KLRF2: variants seen among roughly 807,000 people sequenced by gnomAD.
KLRF2 encodes killer cell lectin-like receptor subfamily F member 2.
In KLRF2, 28 loss-of-function variants were observed where a neutral mutation model predicts 25.3. The observed-to-expected ratio is 1.11, with a 90% CI of 0.82 to 1.52. The LOEUF is 1.52. Among genes scored for constraint, KLRF2 ranks in the 40% most tolerant of loss-of-function variants. The pLI, the probability that KLRF2 is intolerant of heterozygous loss-of-function variation, is 0.00. For synonymous variants in KLRF2, 73 were observed against 85.0 expected, an observed-to-expected ratio of 0.86 and a Z score of 0.78; for missense variants, 265 against 245.8, an observed-to-expected ratio of 1.08 and a Z score of -0.52.
At chr12:9,885,128 C>A in intron 2 of KLRF2, 96 bp downstream of exon 2, 1 of 385,382 alleles carries the variant, frequency 2.6e-6, no homozygotes. Flanking sequence ...CACTGTAGTC[C>A]AAAACTGGCA....
intron 4 of KLRF2, 124 bp downstream of exon 4, chr12:9,893,292 C>A: frequency 2.2e-6 from 2 of 897,966 alleles, no homozygotes; most frequent in Non-Finnish European, 1.6e-6. Flanking sequence ...ACAATGTAGT[C>A]ACTATTGTTC....
chr12:9,889,997 G>A (rs1862655459), intron 3 of KLRF2, among the ~76,000 whole-genome samples: 1 of 151,768 alleles, frequency 6.6e-6, no homozygotes, highest in Non-Finnish European at 1.5e-5. Context: ...AGAGAGAATT[G>A]TATAATAAAT....
intron 5 of KLRF2, 81 bp from the exon 6 acceptor site, chr12:9,895,608 A>G: frequency 7.5e-7 from 1 of 1,341,268 alleles, no homozygotes; most frequent in Non-Finnish European, 9.8e-7. Context: ...ATTACCTATA[A>G]AAGTTTGGCT....
intron 5 of KLRF2, among the ~76,000 whole-genome samples, chr12:9,895,262 G>A (rs1433845909): frequency 1.3e-5 from 2 of 152,314 alleles, no homozygotes; most frequent in East Asian, 3.9e-4. Flanking sequence ...TATTTATGCT[G>A]CTATGTGGAG....
intron 3 of KLRF2, among the ~76,000 whole-genome samples, chr12:9,889,123 T>C (rs1862641199): frequency 6.6e-6 from 1 of 152,222 alleles, no homozygotes. Flanking sequence ...GCGAAGAGTG[T>C]GGGCTTGAGA....
chr12:9,889,700 A>G (rs1862651214), intron 3 of KLRF2, among the ~76,000 whole-genome samples: 1 of 151,734 alleles, frequency 6.6e-6, no homozygotes, highest in Non-Finnish European at 1.5e-5. Flanking sequence ...ACACATATAT[A>G]CATATATGTA....
At chr12:9,887,819 A>G (rs1294208184) in intron 2 of KLRF2, among the ~76,000 whole-genome samples, 2 of 151,736 alleles carry the variant, frequency 1.3e-5, no homozygotes, top group African/African-American at 4.8e-5. Flanking sequence ...TGGGAGGCCA[A>G]GGCAGGTGGA....
In KLRF2 at chr12:9,895,735, A is replaced by G. The variant is rs771479152; in HGVS notation, c.526A>G (p.Thr176Ala). 4 of 1,535,742 alleles carry G rather than the reference A, an allele frequency of 2.6e-6. No individual in the cohort carries two copies. The highest frequency in any genetic ancestry group is 2.4e-5 in the East Asian group (1 of 40,904). The part of the protein sequence containing the change: ...PTDDRSCAVI[T>A]GNWVYSEDCS... The stretch of plus-strand genomic sequence containing the variant: ...TGATGACAGGAGCTGTGCCGTTATC[A>G]CAGGAAACTGGGTGTATTCTGAAGA... The change falls in exon 6 of 6, where the codon ACA becomes GCA. Residue 176 changes from threonine (T) to alanine (A), a missense_variant. By Grantham distance (58) the Thr-to-Ala change is moderately conservative. Coordinates refer to ENST00000535540, the MANE Select transcript of KLRF2 (RefSeq NM_001190765.1).
chr12:9,889,629 T>C (rs1160383030), intron 3 of KLRF2, among the ~76,000 whole-genome samples: 1 of 150,576 alleles, frequency 6.6e-6, no homozygotes, highest in Non-Finnish European at 1.5e-5. Context: ...TAAATCTCTC[T>C]CTATATGTGT....
chr12:9,888,744 G>A lies in KLRF2; in HGVS notation c.181G>A (p.Asp61Asn). 1 of 1,500,882 alleles carries A rather than the reference G, an allele frequency of 6.7e-7. No homozygotes were observed. The highest frequency in any genetic ancestry group is 9.0e-7 in the Non-Finnish European group (1 of 1,115,184). 93.0% of individuals were successfully genotyped at this position (1,500,882 alleles called of 1,614,324 possible). ...IDLKFWHKKM[D>N]FSQNVNVSSL... ...TGCACTGAGTACAGATAAAAAAATGGATTTCTCCCAGAATGTAAACGTCAG... is the reference window on the plus strand; with the variant it reads ...TGCACTGAGTACAGATAAAAAAATGAATTTCTCCCAGAATGTAAACGTCAG... The change falls in exon 3 of 6, where the codon GAT (aspartate) becomes AAT (asparagine). Residue 61 changes from aspartate (D) to asparagine (N), a missense_variant. Transcript: ENST00000535540.
chr12:9,885,567 T>C (rs1591776204), intron 2 of KLRF2, among the ~76,000 whole-genome samples: 1 of 151,860 alleles, frequency 6.6e-6, no homozygotes, highest in Admixed American at 6.6e-5. Flanking sequence ...TGAGATGAGA[T>C]TTCTAAAAAT....
intron 2 of KLRF2, among the ~76,000 whole-genome samples, chr12:9,887,614 A>G (rs1364720257): frequency 6.6e-6 from 1 of 152,196 alleles, no homozygotes; most frequent in African/African-American, 2.4e-5. Context: ...GACTTTTCAA[A>G]TTAACAACTG....
At chr12:9,887,882 T>C (rs1444306754) in intron 2 of KLRF2, among the ~76,000 whole-genome samples, 1 of 151,004 alleles carries the variant, frequency 6.6e-6, no homozygotes, top group Non-Finnish European at 1.5e-5. Context: ...TGAAACCCCG[T>C]CCCTAATAAA....
At chr12:9,892,875 C>T (rs563409296) in intron 3 of KLRF2, 145 bp from the exon 4 acceptor site, 129 of 611,540 alleles carry the variant, frequency 2.1e-4, no homozygotes, top group Non-Finnish European at 3.2e-4. Context: ...TGAGCCACCG[C>T]GCCTGGTCTG....
chr12:9,892,507 A>T (rs1862689501), intron 3 of KLRF2, among the ~76,000 whole-genome samples: 1 of 151,666 alleles, frequency 6.6e-6, no homozygotes, highest in Non-Finnish European at 1.5e-5. Flanking sequence ...TTCTCCCCTA[A>T]TCCATCATCC....
At chr12:9,892,736 C>T (rs1240945693) in intron 3 of KLRF2, among the ~76,000 whole-genome samples, 1 of 151,828 alleles carries the variant, frequency 6.6e-6, no homozygotes, top group Non-Finnish European at 1.5e-5. Flanking sequence ...AGGCATGGGC[C>T]ACCATGCCTG....
chr12:9,890,442 A>G (rs1027219369), intron 3 of KLRF2, among the ~76,000 whole-genome samples: 3 of 152,116 alleles, frequency 2.0e-5, no homozygotes, highest in African/African-American at 4.8e-5. Context: ...TGGCACAATT[A>G]TTTGTGGTTG....
rs915476100 is a variant in KLRF2 at position 9,893,006 on chromosome 12, A to G, written c.218-14A>G. 8 of 1,526,078 alleles carry G rather than the reference A, an allele frequency of 5.2e-6. No homozygotes were observed. The highest frequency in any genetic ancestry group is 4.9e-5 in the East Asian group (2 of 40,766). The allele number at this position is 1,526,078 out of a possible 1,614,324, so 94.5% of individuals were successfully genotyped here. A position where few individuals can be genotyped will look rare whatever the true frequency, so the allele number is the denominator to read the frequency against. ...TGTAAAGTTTAATTAATTTTCCCCT[A>G]TGTTTTCCTTTAGGACACAATTACT... On this transcript the variant is annotated splice_polypyrimidine_tract_variant and intron_variant, in intron 3 of 5. Transcript: ENST00000535540.
At chr12:9,890,599 C>T (rs1051018424) in intron 3 of KLRF2, among the ~76,000 whole-genome samples, 5 of 152,216 alleles carry the variant, frequency 3.3e-5, no homozygotes, top group South Asian at 2.1e-4. Context: ...CAGGAGTTAT[C>T]TCTCTCTTCA....
Sources: allele counts gnomAD v4.1 joint callset (sites outside exome capture counted in the v4.1 genomes callset), GRCh38; gene constraint gnomAD v4.1.1; transcripts MANE v1.5; gene names NCBI Gene and HGNC (gene_info 2026-07-23, HGNC 2026-07-21).